Variants in FOCAD observed in about 807,000 individuals in gnomAD.
The protein encoded by FOCAD is KIAA1797.
Under a neutral mutation model 225.6 loss-of-function variants are expected in FOCAD, and 198 were observed. The ratio of observed to expected loss-of-function variants is 0.88; its 90% confidence interval spans 0.78 to 0.99. FOCAD has a LOEUF of 0.99. FOCAD is among the 50% of genes least tolerant of loss of function. FOCAD has a pLI of 0.00. For synonymous variants in FOCAD, 897 were observed against 755.0 expected (o/e 1.19, Z -3.08); for missense variants, 2,713 against 2,123.6 (o/e 1.28, Z -5.46).
intron 5 of FOCAD, among the ~76,000 whole-genome samples, chr9:20,745,958 G>A (rs1189926757): frequency 2.6e-5 from 4 of 152,148 alleles, no homozygotes; most frequent in African/African-American, 9.7e-5. Flanking sequence ...TATTTGGAGG[G>A]AGAGTTAAGT....
chr9:20,929,681 A>G (rs1835287144), intron 27 of FOCAD, 85 bp downstream of exon 27: 4 of 1,059,862 alleles, frequency 3.8e-6, no homozygotes, highest in East Asian at 4.7e-5. Flanking sequence ...ATATATAAAC[A>G]TTGTATCTGA....
intron 4 of FOCAD, among the ~76,000 whole-genome samples, chr9:20,738,208 A>T (rs576865730): frequency 3.9e-4 from 59 of 152,344 alleles, no homozygotes; most frequent in African/African-American, 1.4e-3. Flanking sequence ...GAAGAATGTG[A>T]ACAGTTCCAA....
At chr9:20,724,473 T>A (rs1328576245) in intron 4 of FOCAD, among the ~76,000 whole-genome samples, 1 of 152,194 alleles carries the variant, frequency 6.6e-6, no homozygotes, top group African/African-American at 2.4e-5. Flanking sequence ...CAAGATTTCT[T>A]ATCTGAGAAT....
chr9:20,837,358 A>G (rs1206450851), intron 15 of FOCAD, among the ~76,000 whole-genome samples: 1 of 152,050 alleles, frequency 6.6e-6, no homozygotes, highest in East Asian at 1.9e-4. Flanking sequence ...CAAGCTGGAC[A>G]CTGGGAGGGT....
intron 16 of FOCAD, chr9:20,863,510 T>C (rs1828962246): frequency 6.6e-6 from 1 of 152,176 alleles, no homozygotes; most frequent in Admixed American, 6.5e-5. Flanking sequence ...TACTGGGCTA[T>C]ACAATACCTA....
rs1299383508 is a variant in FOCAD, at chr9:20,881,852, T to G, written c.2318-19T>G. 1 of 1,604,428 alleles carries G rather than the reference T, an allele frequency of 6.2e-7. No homozygotes were observed. The highest frequency in any genetic ancestry group is 1.4e-5 in the African/African-American group (1 of 73,958). ...TATTGTATTTACTCTACTTTTGGTC[T>G]CCTTTTATCCTCTTTTAGCTTTGGA... On this transcript the variant is annotated intron_variant, in intron 19 of 43. Coordinates refer to ENST00000338382, the MANE Select transcript of FOCAD (RefSeq NM_001375567.1).
chr9:20,692,087 C>T (rs750011206), intron 1 of FOCAD, among the ~76,000 whole-genome samples: 1 of 152,164 alleles, frequency 6.6e-6, no homozygotes, highest in Non-Finnish European at 1.5e-5. Context: ...ACCCTACTAG[C>T]TTCCAAATTT....
chr9:20,809,444 ATTAAT>A (rs1381246204), intron 11 of FOCAD, among the ~76,000 whole-genome samples: 4 of 152,186 alleles, frequency 2.6e-5, no homozygotes, highest in Non-Finnish European at 5.9e-5. Context: ...AATCAAATTG[ATTAAT>A]TTAATTCAAT....
At chr9:20,929,921 A>G (rs1242051398) in intron 27 of FOCAD, among the ~76,000 whole-genome samples, 1 of 152,160 alleles carries the variant, frequency 6.6e-6, no homozygotes, top group Non-Finnish European at 1.5e-5. Context: ...ATAAGTAAAA[A>G]GCTTCTTTTT....
intron 15 of FOCAD, among the ~76,000 whole-genome samples, chr9:20,859,361 A>G (rs533122186): frequency 6.6e-6 from 1 of 151,532 alleles, no homozygotes; most frequent in Admixed American, 6.6e-5. Context: ...CAGTCAGGCA[A>G]CAAGAGTGAA....
At chr9:20,856,302 G>A (rs1055589526) in intron 15 of FOCAD, among the ~76,000 whole-genome samples, 1 of 151,940 alleles carries the variant, frequency 6.6e-6, no homozygotes, top group African/African-American at 2.4e-5. Context: ...TAACTGTGGT[G>A]AGATAATATC....
chr9:20,704,747 T>TGAC (rs1178272637), intron 1 of FOCAD, among the ~76,000 whole-genome samples: 11 of 152,322 alleles, frequency 7.2e-5, no homozygotes, highest in African/African-American at 2.6e-4. Context: ...GCTCACTTTA[T>TGAC]GACACCCTTT....
In FOCAD at chr9:20,874,760, C is replaced by G. The variant is rs1268602854; in HGVS notation, c.2270C>G (p.Ser757Cys). Residue 757 changes from serine (S) to cysteine (C), a missense_variant, in exon 19 of 44, where the codon TCT (serine) becomes TGT (cysteine). Transcript: ENST00000338382. ...GATGTGGATCTTTCAGTTCCTGGCT[C>G]TTGCTATCTCAAACTGTTGTCACTC... is the stretch of plus-strand genomic sequence containing the variant. ...VEDVDLSVPG[S>C]CYLKLLSLTP... is the part of the protein sequence containing the mutation. 6.2e-7 allele frequency: 1 copy of G among 1,613,694 alleles called. No individual in the cohort carries two copies. The highest frequency in any genetic ancestry group is 1.7e-5 in the Admixed American group (1 of 60,004).
chr9:20,980,996 A>G (rs1042903703), intron 37 of FOCAD, among the ~76,000 whole-genome samples: 5 of 152,344 alleles, frequency 3.3e-5, no homozygotes, highest in African/African-American at 1.2e-4. Context: ...GAAGAAATTA[A>G]TAGTATCAGA....
intron 24 of FOCAD, among the ~76,000 whole-genome samples, chr9:20,920,080 A>G (rs1051703254): frequency 7.9e-5 from 12 of 152,234 alleles, no homozygotes; most frequent in African/African-American, 2.9e-4. Context: ...AAGGGCTAAT[A>G]TCCAGAATCT....
chr9:20,775,037 C>G (rs1215051295), intron 8 of FOCAD, among the ~76,000 whole-genome samples: 1 of 152,132 alleles, frequency 6.6e-6, no homozygotes, highest in East Asian at 1.9e-4. Context: ...TATTTTGACA[C>G]CATACCCACA....
chr9:20,922,378 A>G (rs1000103147), intron 24 of FOCAD, among the ~76,000 whole-genome samples: 6 of 152,202 alleles, frequency 3.9e-5, no homozygotes, highest in South Asian at 2.1e-4. Context: ...CAAGGCTTCA[A>G]GTCTTCACAG....
intron 4 of FOCAD, 89 bp downstream of exon 4, chr9:20,720,623 C>A: frequency 7.7e-7 from 1 of 1,304,088 alleles, no homozygotes; most frequent in Admixed American, 2.3e-5. Context: ...AGCATTCATC[C>A]TACTTGCCAG....
chr9:20,982,409 C>G lies in FOCAD; in HGVS notation c.4691C>G (p.Thr1564Arg). The change falls in exon 39 of 44, where the codon ACA becomes AGA. Residue 1564 changes from threonine to arginine, a missense_variant. By Grantham distance (71) the Thr-to-Arg change is moderately conservative. Coordinates refer to ENST00000338382, the MANE Select transcript of FOCAD (RefSeq NM_001375567.1). ...ISIAKCLLEM[T>R]DDDANRIAQV... ...ATAGCAAAATGCCTCTTAGAAATGACAGATGATGATGCCAATCGGATCGCC... is the reference window on the plus strand; with the variant it reads ...ATAGCAAAATGCCTCTTAGAAATGAGAGATGATGATGCCAATCGGATCGCC... 3 of 1,613,870 alleles carry G rather than the reference C, an allele frequency of 1.9e-6. No homozygotes were observed. The highest frequency in any genetic ancestry group is 2.5e-6 in the Non-Finnish European group (3 of 1,179,858).
Sources: gnomAD v4.1 joint callset for allele counts (sites outside exome capture counted in the v4.1 genomes callset) on GRCh38, gnomAD v4.1.1 for gene constraint, MANE v1.5 for transcripts, NCBI Gene and HGNC (gene_info 2026-07-23, HGNC 2026-07-21) for gene names.